USP34: variants seen among roughly 807,000 people sequenced by gnomAD.
The protein encoded by USP34 is ubiquitin carboxyl-terminal hydrolase 34.
A neutral mutation model predicts 460.3 loss-of-function variants in USP34; 70 were observed. That is an observed-to-expected ratio of 0.15 (90% confidence interval 0.13 to 0.19). The LOEUF is 0.19. USP34 is among the 10% of genes least tolerant of loss of function. The probability of loss-of-function intolerance (pLI) is 1.00; values close to 1 mark genes in which losing one functional copy is unlikely to be tolerated. For missense variants in USP34, 3,985 were observed against 4,236.2 expected, an observed-to-expected ratio of 0.94 and a Z score of 1.65; for synonymous variants, 1,647 against 1,405.3, an observed-to-expected ratio of 1.17 and a Z score of -3.85.
At chr2:61,377,572 C>A (rs915628672) in intron 8 of USP34, among the ~76,000 whole-genome samples, 3 of 152,006 alleles carry the variant, frequency 2.0e-5, no homozygotes, top group Non-Finnish European at 4.4e-5. Context: ...CCCCAGAGAC[C>A]TCTCTACCTC....
chr2:61,208,976 C>G lies in USP34; in HGVS notation c.8842G>C (p.Ala2948Pro). 1 of 1,567,050 alleles carries G rather than the reference C, an allele frequency of 6.4e-7. No individual in the cohort carries two copies. The highest frequency in any genetic ancestry group is 8.6e-7 in the Non-Finnish European group (1 of 1,156,404). ...GRSCWTTLISAFRILLESDED... is the reference protein window; with the variant it reads ...GRSCWTTLISPFRILLESDED... ...TCAGATTCTAATAGTATTCTGAAGGCACTAGAAGAAAACATAAAGTTCAGT... is the reference window on the plus strand; with the variant it reads ...TCAGATTCTAATAGTATTCTGAAGGGACTAGAAGAAAACATAAAGTTCAGT... Residue 2948 changes from alanine (A) to proline (P), a missense_variant and splice_region_variant, in exon 70 of 80, where the codon GCC becomes CCC. Ala to Pro is a conservative substitution (Grantham distance 27, BLOSUM62 -1). Transcript: ENST00000398571.
chr2:61,402,026 G>C (rs752779106), intron 3 of USP34, among the ~76,000 whole-genome samples: 9 of 151,730 alleles, frequency 5.9e-5, no homozygotes, highest in Non-Finnish European at 1.2e-4. Context: ...CAAGGCAGGA[G>C]GATCACCTGA....
At chr2:61,462,538 G>C (rs1445154790) in intron 1 of USP34, among the ~76,000 whole-genome samples, 1 of 141,502 alleles carries the variant, frequency 7.1e-6, no homozygotes, top group Non-Finnish European at 1.5e-5. Context: ...CACAGAGTAA[G>C]ACTCCGTCTC....
At chr2:61,198,489 TC>T (rs1319225603) in intron 75 of USP34, among the ~76,000 whole-genome samples, 2 of 151,840 alleles carry the variant, frequency 1.3e-5, no homozygotes, top group African/African-American at 2.4e-5. Context: ...TGACTAGTAC[TC>T]CATTATAAGA....
intron 3 of USP34, among the ~76,000 whole-genome samples, chr2:61,404,740 T>G (rs1404865346): frequency 6.6e-6 from 1 of 152,216 alleles, no homozygotes; most frequent in Non-Finnish European, 1.5e-5. Flanking sequence ...GCTAAGGAAC[T>G]GCCTGTGAGA....
rs1689025355 is a variant in USP34 at position 61,265,672 on chromosome 2, A to C, written c.5618-115T>G. Reference sequence around the variant, plus strand: ...TAGTTACCTCATTAATATATATAGAACATTATATAGAATTTTTTAAATAAA... The same window carrying C: ...TAGTTACCTCATTAATATATATAGACCATTATATAGAATTTTTTAAATAAA... On this transcript the variant is annotated intron_variant, in intron 42 of 79. Transcript: ENST00000398571. The C allele has an allele frequency of 4.7e-6, 4 of 845,384 alleles. No homozygotes were observed. The South Asian group carries it at 1.9e-4, about 41-fold the overall frequency. The allele number at this position is 845,384 out of a possible 1,614,324, so 52.4% of individuals were successfully genotyped here.
intron 3 of USP34, among the ~76,000 whole-genome samples, chr2:61,404,110 G>A (rs765336382): frequency 7.4e-5 from 11 of 148,996 alleles, no homozygotes; most frequent in Non-Finnish European, 1.6e-4. Context: ...ATATTCTTAC[G>A]AAGAATTCTA....
chr2:61,345,872 A>T (rs1413866431), intron 15 of USP34, among the ~76,000 whole-genome samples: 1 of 152,292 alleles, frequency 6.6e-6, no homozygotes, highest in Non-Finnish European at 1.5e-5. Flanking sequence ...CCTGGCCTCA[A>T]ACGATCCTCC....
At chr2:61,403,199 A>G (rs978878855) in intron 3 of USP34, among the ~76,000 whole-genome samples, 1 of 152,174 alleles carries the variant, frequency 6.6e-6, no homozygotes, top group East Asian at 1.9e-4. Context: ...ATACTCACGA[A>G]TAATAATAAC....
At chr2:61,292,785 G>T (rs4672430) in intron 33 of USP34, among the ~76,000 whole-genome samples, 150,722 of 152,320 alleles carry the variant, frequency 0.99, 74,566 homozygotes, top group East Asian at 1. Context: ...AACTGGCCTG[G>T]GCAGTTTTGT....
chr2:61,416,469 G>A (rs868070514), intron 2 of USP34, among the ~76,000 whole-genome samples: 2 of 152,128 alleles, frequency 1.3e-5, no homozygotes, highest in Non-Finnish European at 2.9e-5. Flanking sequence ...TGATAGGTAG[G>A]AGACAGCAAA....
At chr2:61,403,798 T>C (rs1693788590) in intron 3 of USP34, among the ~76,000 whole-genome samples, 1 of 151,746 alleles carries the variant, frequency 6.6e-6, no homozygotes, top group Admixed American at 6.6e-5. Flanking sequence ...CCATCCTGGC[T>C]AACAGGGTGA....
At chr2:61,403,905 A>G (rs1029866894) in intron 3 of USP34, among the ~76,000 whole-genome samples, 1 of 147,762 alleles carries the variant, frequency 6.8e-6, no homozygotes, top group Non-Finnish European at 1.5e-5. Context: ...AGGCAGGAGA[A>G]TGACGTGAAC....
intron 2 of USP34, among the ~76,000 whole-genome samples, chr2:61,414,115 C>T (rs765853174): frequency 1.3e-5 from 2 of 151,386 alleles, no homozygotes; most frequent in Non-Finnish European, 2.9e-5. Context: ...AAGAAATTAG[C>T]CGGGCAGCGT....
intron 65 of USP34, 114 bp downstream of exon 65, chr2:61,222,500 TTATTA>T: frequency 1.4e-6 from 1 of 699,402 alleles, no homozygotes; most frequent in Non-Finnish European, 2.4e-6. Flanking sequence ...TAAAAATAGG[TTATTA>T]TGTTATGGGA....
At chr2:61,365,104 T>C (rs1398843097) in intron 10 of USP34, among the ~76,000 whole-genome samples, 1 of 151,328 alleles carries the variant, frequency 6.6e-6, no homozygotes, top group Non-Finnish European at 1.5e-5. Context: ...CTACAAAAAT[T>C]AGCCAGGCAT....
rs763693700 is a variant in USP34 at position 61,284,902 on chromosome 2, G to A, written c.4805C>T (p.Ala1602Val). Residue 1602 changes from alanine (A) to valine (V), a missense_variant, in exon 35 of 80, where the codon GCT becomes GTT. Transcript: ENST00000398571. ...TSLIQRLMSV[A>V]YTYDNLAPRV... ...AGGAGCCAGATTATCATACGTATAA[G>A]CAACAGACATAAGTCGCTGAATCAA... 1.1e-5 allele frequency: 18 copies of A among 1,610,826 alleles called. No homozygotes were observed. The highest frequency in any genetic ancestry group is 2.2e-5 in the East Asian group (1 of 44,748).
At chr2:61,330,870 G>A (rs1330036423) in intron 20 of USP34, among the ~76,000 whole-genome samples, 3 of 152,014 alleles carry the variant, frequency 2.0e-5, no homozygotes, top group Non-Finnish European at 4.4e-5. Context: ...ATACTAGTAT[G>A]CAATTATAAT....
intron 2 of USP34, among the ~76,000 whole-genome samples, chr2:61,420,447 C>A (rs1573023888): frequency 6.6e-6 from 1 of 152,078 alleles, no homozygotes; most frequent in Non-Finnish European, 1.5e-5. Flanking sequence ...TGTTACAAGC[C>A]TTTAGCTATA....
Sources: gnomAD v4.1 joint callset for allele counts (sites outside exome capture counted in the v4.1 genomes callset) on GRCh38, gnomAD v4.1.1 for gene constraint, MANE v1.5 for transcripts, NCBI Gene and HGNC (gene_info 2026-07-23, HGNC 2026-07-21) for gene names.